The following KIAA1328 variants were observed in gnomAD, a reference collection of about 807,000 sequenced individuals.
KIAA1328 encodes the protein KIAA1328.
A neutral mutation model predicts 68.1 loss-of-function variants in KIAA1328; 52 were observed. The observed-to-expected ratio is 0.76, with a 90% CI of 0.61 to 0.96. The LOEUF (loss-of-function observed/expected upper bound fraction) is 0.96, where lower values mean the gene tolerates loss of function less well. Ranked by LOEUF, KIAA1328 falls within the 40% of genes least tolerant of loss-of-function variation. KIAA1328 has a pLI of 0.00. For missense variants in KIAA1328, 641 were observed against 677.6 expected, an observed-to-expected ratio of 0.95 and a Z score of 0.60; for synonymous variants, 232 against 239.4, an observed-to-expected ratio of 0.97 and a Z score of 0.28.
chr18:37,083,696 T>C (rs917345482), intron 7 of KIAA1328, among the ~76,000 whole-genome samples: 1 of 152,170 alleles, frequency 6.6e-6, no homozygotes. Flanking sequence ...TTCTTTGAAA[T>C]GTCAGTATGA....
intron 9 of KIAA1328, among the ~76,000 whole-genome samples, chr18:37,192,938 AAAG>A (rs753983481): frequency 6.6e-5 from 10 of 152,218 alleles, no homozygotes; most frequent in African/African-American, 2.2e-4. Context: ...TAAAGGAAGA[AAAG>A]AAATTCTTCT....
chr18:37,225,023 G>A lies in KIAA1328; in HGVS notation c.*2796G>A. The A allele has an allele frequency of 1.0e-6, 1 of 985,402 alleles. No homozygotes were observed. Among genetic ancestry groups the A allele is most frequent in the Non-Finnish European group, 1.2e-6 (1 of 829,916 alleles). The allele number at this position is 985,402 out of a possible 1,614,324, so 61.0% of individuals were successfully genotyped here. On this transcript the variant is annotated 3_prime_UTR_variant, in exon 10 of 10. Coordinates refer to ENST00000280020, the MANE Select transcript of KIAA1328 (RefSeq NM_020776.3). ...TTATCCAAACCTGATCCCCATGATG[G>A]GGACTTTTCTAGAGCACCCCAAATG...
chr18:36,869,557 CCA>C (rs1013032698), intron 4 of KIAA1328, among the ~76,000 whole-genome samples: 7 of 152,150 alleles, frequency 4.6e-5, no homozygotes, highest in Admixed American at 2.6e-4. Flanking sequence ...TGAAAGGCTA[CCA>C]CTACAGGTAC....
chr18:36,999,148 G>C (rs995802104), intron 6 of KIAA1328, among the ~76,000 whole-genome samples: 2 of 152,070 alleles, frequency 1.3e-5, no homozygotes, highest in Non-Finnish European at 2.9e-5. Context: ...ACATTTGAAA[G>C]CTTCAAAAAT....
intron 5 of KIAA1328, among the ~76,000 whole-genome samples, chr18:36,918,381 T>A (rs2151097518): frequency 1.3e-5 from 2 of 151,990 alleles, no homozygotes; most frequent in East Asian, 1.9e-4. Context: ...TCTAGCAACT[T>A]AAGATGCAAA....
At chr18:36,965,110 C>G (rs2051864004) in intron 6 of KIAA1328, among the ~76,000 whole-genome samples, 1 of 152,050 alleles carries the variant, frequency 6.6e-6, no homozygotes, top group South Asian at 2.1e-4. Flanking sequence ...TTTATTAACT[C>G]TGCATTATTT....
At chr18:36,931,882 T>C (rs2050323316) in intron 5 of KIAA1328, among the ~76,000 whole-genome samples, 1 of 152,116 alleles carries the variant, frequency 6.6e-6, no homozygotes, top group African/African-American at 2.4e-5. Context: ...AGTTTACTTA[T>C]GCTTTATATG....
chr18:37,203,664 A>C (rs1184699979), intron 9 of KIAA1328, among the ~76,000 whole-genome samples: 2 of 152,230 alleles, frequency 1.3e-5, no homozygotes, highest in Non-Finnish European at 2.9e-5. Context: ...CATCTGGTAT[A>C]TCTGACCCTT....
intron 9 of KIAA1328, among the ~76,000 whole-genome samples, chr18:37,183,138 G>A (rs1190162117): frequency 6.6e-6 from 1 of 152,140 alleles, no homozygotes; most frequent in East Asian, 1.9e-4. Context: ...TAAGATTCTT[G>A]TCTAGATGAT....
chr18:37,022,777 G>A (rs1271478799), intron 6 of KIAA1328, among the ~76,000 whole-genome samples: 3 of 152,106 alleles, frequency 2.0e-5, no homozygotes, highest in Admixed American at 2.0e-4. Context: ...TTCTACTGCG[G>A]TTTTGCTCTC....
chr18:37,216,196 T>C (rs1490164344), intron 9 of KIAA1328, among the ~76,000 whole-genome samples: 1 of 152,242 alleles, frequency 6.6e-6, no homozygotes, highest in Non-Finnish European at 1.5e-5. Flanking sequence ...AGGTTTTGAA[T>C]TTGTTTGCTC....
intron 3 of KIAA1328, among the ~76,000 whole-genome samples, chr18:36,840,789 T>C (rs1370185733): frequency 6.6e-6 from 1 of 152,120 alleles, no homozygotes; most frequent in Admixed American, 6.5e-5. Flanking sequence ...TTTGTTGGTA[T>C]TGATGTTGAG....
At chr18:37,082,290 G>C (rs1010375862) in intron 7 of KIAA1328, among the ~76,000 whole-genome samples, 3 of 149,642 alleles carry the variant, frequency 2.0e-5, no homozygotes, top group African/African-American at 7.4e-5. Context: ...TCCTGCCTCA[G>C]CCTCCCAAGT....
At chr18:36,915,257 A>G (rs752085179) in intron 5 of KIAA1328, among the ~76,000 whole-genome samples, 10 of 152,152 alleles carry the variant, frequency 6.6e-5, no homozygotes, top group Non-Finnish European at 8.8e-5. Flanking sequence ...GGTTTTGACA[A>G]AGTTGCAGTG....
intron 7 of KIAA1328, among the ~76,000 whole-genome samples, chr18:37,135,879 C>T (rs549793273): frequency 9.2e-5 from 14 of 152,086 alleles, no homozygotes; most frequent in East Asian, 3.9e-4. Flanking sequence ...AAAAGGTAGC[C>T]GGTTACCCAA....
intron 4 of KIAA1328, among the ~76,000 whole-genome samples, chr18:36,879,020 A>C (rs543195311): frequency 6.6e-6 from 1 of 152,124 alleles, no homozygotes; most frequent in Admixed American, 6.5e-5. Flanking sequence ...ACTTCTGTCA[A>C]TTCGTCAAAC....
chr18:37,004,867 A>T (rs1402934413), intron 6 of KIAA1328, among the ~76,000 whole-genome samples: 2 of 152,146 alleles, frequency 1.3e-5, no homozygotes, highest in African/African-American at 2.4e-5. Context: ...CCATCAGTCA[A>T]TGAGTGGATA....
chr18:36,852,124 C>T (rs1237388922), intron 4 of KIAA1328, among the ~76,000 whole-genome samples: 1 of 151,864 alleles, frequency 6.6e-6, no homozygotes, highest in Non-Finnish European at 1.5e-5. Context: ...GAATTTTATT[C>T]TATTGTGGTG....
chr18:37,042,079 G>A (rs1488746027), intron 6 of KIAA1328, among the ~76,000 whole-genome samples: 1 of 151,782 alleles, frequency 6.6e-6, no homozygotes, highest in African/African-American at 2.4e-5. Context: ...TTTGTTTTTT[G>A]TAGAGTTAGG....
Sources: allele counts gnomAD v4.1 joint callset (sites outside exome capture counted in the v4.1 genomes callset), GRCh38; gene constraint gnomAD v4.1.1; transcripts MANE v1.5; gene names NCBI Gene and HGNC (gene_info 2026-07-23, HGNC 2026-07-21).